FETUB: variants seen among roughly 807,000 people sequenced by gnomAD.
The protein encoded by FETUB is fetuin-B.
A neutral mutation model predicts 30.9 loss-of-function variants in FETUB; 28 were observed. That is an observed-to-expected ratio of 0.90 (90% CI 0.67 to 1.24). The LOEUF is 1.24. Ranked by LOEUF, FETUB falls within the 50% of genes most tolerant of loss-of-function variation. The pLI is 0.00. For missense variants in FETUB, 469 were observed against 455.3 expected (o/e 1.03, Z -0.27); for synonymous variants, 186 against 175.9 (o/e 1.06, Z -0.45).
chr3:186,639,812 C>T (rs1245162520), upstream of FETUB, among the ~76,000 whole-genome samples: 1 of 152,104 alleles, frequency 6.6e-6, no homozygotes, highest in African/African-American at 2.4e-5. Context: ...GCTTGAAATA[C>T]AATGTGAGAA....
At chr3:186,640,744 C>A in intron 1 of FETUB, 59 bp downstream of exon 1, 1 of 1,407,732 alleles carries the variant, frequency 7.1e-7, no homozygotes. Context: ...AGAGACTGGC[C>A]AGGGTGAGGG....
chr3:186,644,543 T>G (rs901041115), intron 3 of FETUB, among the ~76,000 whole-genome samples: 2 of 152,192 alleles, frequency 1.3e-5, no homozygotes, highest in Admixed American at 6.5e-5. Flanking sequence ...AGTAAATGTG[T>G]GTGAGGTGAA....
rs921640291 is a variant in FETUB, at chr3:186,641,198, C to A, written c.336+58C>A. ...CCTAGGGAAAGCAAGTAGGTACACT[C>A]TTTCTACAGGGTCAAGGGTGCTCAA... On this transcript the variant is annotated intron_variant, in intron 2 of 6. Transcript: ENST00000265029. 10 of 1,014,538 alleles carry A rather than the reference C, an allele frequency of 9.9e-6. No homozygotes were observed. In the African/African-American group the frequency reaches 1.6e-4, roughly 16 times the overall value. 62.8% of individuals were successfully genotyped at this position (1,014,538 alleles called of 1,614,324 possible).
chr3:186,644,625 C>T, intron 3 of FETUB, 126 bp from the exon 4 acceptor site: 1 of 673,420 alleles, frequency 1.5e-6, no homozygotes. Flanking sequence ...ACACTGCTGA[C>T]AGCTAACTTC....
chr3:186,638,821 A>G (rs1259146379), upstream of FETUB, among the ~76,000 whole-genome samples: 2 of 152,140 alleles, frequency 1.3e-5, no homozygotes, highest in Non-Finnish European at 2.9e-5. Flanking sequence ...CTCAAGCTCA[A>G]TGAATGTTTG....
chr3:186,646,448 A>G (rs1717552788), intron 5 of FETUB, 99 bp downstream of exon 5: 1 of 885,152 alleles, frequency 1.1e-6, no homozygotes, highest in Non-Finnish European at 1.8e-6. Flanking sequence ...AAGGCATGAG[A>G]TGCTTTTCTT....
intron 5 of FETUB, 117 bp from the exon 6 acceptor site, chr3:186,651,101 T>C (rs976685984): frequency 1.0e-5 from 7 of 695,096 alleles, no homozygotes; most frequent in Non-Finnish European, 1.6e-5. Context: ...GTCTACCTGT[T>C]ACATAGTAGA....
intron 6 of FETUB, 182 bp downstream of exon 6, chr3:186,651,483 C>A (rs535018622): frequency 3.4e-6 from 2 of 596,900 alleles, no homozygotes; most frequent in East Asian, 2.9e-5. Context: ...TTGTTTCAGT[C>A]GCAATATGGT....
chr3:186,647,912 C>G (rs921738988), intron 5 of FETUB, among the ~76,000 whole-genome samples: 2 of 151,952 alleles, frequency 1.3e-5, no homozygotes, highest in African/African-American at 2.4e-5. Flanking sequence ...GAAACCATTG[C>G]CTAATCCATA....
At chr3:186,650,364 C>A (rs971231375) in intron 5 of FETUB, among the ~76,000 whole-genome samples, 1 of 151,976 alleles carries the variant, frequency 6.6e-6, no homozygotes, top group Non-Finnish European at 1.5e-5. Context: ...CTCTAAAATT[C>A]CTCTTCTAGG....
At chr3:186,641,008 A>C (rs533404412) in intron 1 of FETUB, 22 bp from the exon 2 acceptor site, 1 of 1,497,864 alleles carries the variant, frequency 6.7e-7, no homozygotes, top group East Asian at 2.3e-5. Flanking sequence ...AATGTATTGC[A>C]TTTCTCTACC....
At chr3:186,638,224 C>T (rs116354048), upstream of FETUB, among the ~76,000 whole-genome samples, 346 of 152,278 alleles carry the variant, frequency 2.3e-3, 2 homozygotes, top group African/African-American at 8.2e-3. Context: ...ATTGATCTAT[C>T]TCCACAGCCT....
At chr3:186,646,011 C>T (rs968646763) in intron 4 of FETUB, among the ~76,000 whole-genome samples, 1 of 152,212 alleles carries the variant, frequency 6.6e-6, no homozygotes, top group Non-Finnish European at 1.5e-5. Context: ...AGGCGTAAGC[C>T]ACCGTGCCCA....
At chr3:186,650,382 T>C (rs6444153) in intron 5 of FETUB, among the ~76,000 whole-genome samples, 133,418 of 152,064 alleles carry the variant, frequency 0.88, 58,601 homozygotes, top group East Asian at 0.95. Flanking sequence ...AGGAATTTAT[T>C]CTAAGGAAGT....
In FETUB at chr3:186,652,372, A is replaced by C; in HGVS notation, c.890A>C (p.Lys297Thr). Residue 297 changes from lysine (K) to threonine (T), a missense_variant, in exon 7 of 7, where the codon AAA (lysine) becomes ACA (threonine). By Grantham distance (78) the Lys-to-Thr change is moderately conservative. Transcript: ENST00000265029. ...KNTPPTDSPS[K>T]AGPRGSVQYL... ...ACCCCCCCAACAGACTCCCCCTCCA[A>C]AGCTGGGCCAAGAGGATCTGTCCAA... 3.3e-6 allele frequency: 5 copies of C among 1,513,312 alleles called. No homozygotes were observed. The highest frequency in any genetic ancestry group is 4.5e-6 in the Non-Finnish European group (5 of 1,103,616). The allele number at this position is 1,513,312 out of a possible 1,614,324, so 93.7% of individuals were successfully genotyped here.
At chr3:186,650,021 C>T (rs1396322193) in intron 5 of FETUB, among the ~76,000 whole-genome samples, 3 of 151,226 alleles carry the variant, frequency 2.0e-5, no homozygotes, top group African/African-American at 4.9e-5. Context: ...TGTGTGTGTG[C>T]ACACACACAC....
intron 5 of FETUB, among the ~76,000 whole-genome samples, chr3:186,649,464 T>A (rs71322411): frequency 2.0e-5 from 3 of 152,164 alleles, no homozygotes; most frequent in African/African-American, 7.2e-5. Context: ...GTGGTTTTTG[T>A]TTTTTGTTTT....
In FETUB at chr3:186,640,537, T is replaced by A; in HGVS notation, c.77T>A (p.Leu26His). The change falls in exon 1 of 7, where the codon CTC becomes CAC. Residue 26 changes from leucine (L) to histidine (H), a missense_variant. Physicochemically the swap from Leu to His is moderately conservative, Grantham distance 99. Coordinates refer to ENST00000265029, the MANE Select transcript of FETUB (RefSeq NM_014375.3). ...CGAMSPPQLALNPSALLSRGC... is the reference protein window; with the variant it reads ...CGAMSPPQLAHNPSALLSRGC... ...GCAATGTCTCCACCCCAGCTGGCCCTCAACCCCTCGGCTCTGCTCTCCCGG... is the reference window on the plus strand; with the variant it reads ...GCAATGTCTCCACCCCAGCTGGCCCACAACCCCTCGGCTCTGCTCTCCCGG... 6.2e-7 allele frequency: 1 copy of A among 1,614,170 alleles called. No individual in the cohort carries two copies. Among genetic ancestry groups the A allele is most frequent in the Non-Finnish European group, 8.5e-7 (1 of 1,180,018 alleles).
intron 3 of FETUB, among the ~76,000 whole-genome samples, chr3:186,644,016 T>C (rs1175612991): frequency 6.6e-6 from 1 of 152,250 alleles, no homozygotes; most frequent in Non-Finnish European, 1.5e-5. Context: ...ATAATAGTTA[T>C]ACCTATTTAT....
Sources: allele counts gnomAD v4.1 joint callset (sites outside exome capture counted in the v4.1 genomes callset), GRCh38; gene constraint gnomAD v4.1.1; transcripts MANE v1.5; gene names NCBI Gene and HGNC (gene_info 2026-07-23, HGNC 2026-07-21).